Variants in WWOX observed in about 807,000 individuals in gnomAD.
WWOX encodes WW domain-containing oxidoreductase.
WWOX carries 69 observed loss-of-function variants against 46.2 expected under a neutral mutation model. The ratio of observed to expected loss-of-function variants is 1.49; its 90% CI spans 1.23 to 1.82. WWOX has a LOEUF of 1.82. Among genes scored for constraint, WWOX ranks in the 40% most tolerant of loss-of-function variants. The probability of loss-of-function intolerance (pLI) is 0.00; values close to 1 mark genes in which losing one functional copy is unlikely to be tolerated. For missense variants in WWOX, 919 were observed against 542.6 expected, an observed-to-expected ratio of 1.69 and a Z score of -6.89; for synonymous variants, 359 against 202.6, an observed-to-expected ratio of 1.77 and a Z score of -6.56.
In WWOX at chr16:78,798,811, G is replaced by A. The variant is rs116448135; in HGVS notation, c.1056+366059G>A. On this transcript the variant is annotated intron_variant, in intron 8 of 8. Transcript: ENST00000566780. ...ACTGAAGGACACTGGTCTATTGAGA[G>A]ACTTAGAAGCTAATGTTCCATATCA... 2.7e-3 allele frequency among the ~76,000 whole-genome samples: 417 copies of A among 152,262 alleles called. 3 individuals carry two copies. The highest frequency in any genetic ancestry group is 9.7e-3 in the African/African-American group (403 of 41,542).
chr16:78,159,007 A>G (rs917463963), intron 4 of WWOX, among the ~76,000 whole-genome samples: 1 of 152,100 alleles, frequency 6.6e-6, no homozygotes, highest in Admixed American at 6.5e-5. Flanking sequence ...TAGATTCCTC[A>G]TATAAATTGT....
intron 8 of WWOX, among the ~76,000 whole-genome samples, chr16:78,493,734 T>A (rs1379018579): frequency 1.3e-5 from 2 of 152,104 alleles, no homozygotes; most frequent in Non-Finnish European, 2.9e-5. Flanking sequence ...CTTACCCCCA[T>A]TGTAGAGATG....
chr16:78,970,501 C>G (rs750778280), intron 8 of WWOX, among the ~76,000 whole-genome samples: 7 of 152,180 alleles, frequency 4.6e-5, no homozygotes, highest in Non-Finnish European at 8.8e-5. Flanking sequence ...CCAGGGGAGA[C>G]TCGACCCAAG....
rs376602957 is a variant in WWOX, at chr16:79,045,872, G to C, written c.1057-165736G>C. Reference sequence around the variant, plus strand: ...GCTGGAGTGCAGTGGCACAATCTCAGCTCACTGCAACCTCTGCCTCCCGGG... The same window carrying C: ...GCTGGAGTGCAGTGGCACAATCTCACCTCACTGCAACCTCTGCCTCCCGGG... On this transcript the variant is annotated intron_variant, in intron 8 of 8. Coordinates refer to ENST00000566780, the MANE Select transcript of WWOX (RefSeq NM_016373.4). Among the ~76,000 whole-genome samples the C allele has an allele frequency of 2.1e-4, 26 of 121,446 alleles. 1 individual carries two copies. In the Admixed American group the frequency reaches 2.5e-3, roughly 12 times the overall value. 79.7% of individuals were successfully genotyped at this position (121,446 alleles called of 152,430 possible).
chr16:78,741,284 G>T (rs986130816), intron 8 of WWOX, among the ~76,000 whole-genome samples: 1 of 152,214 alleles, frequency 6.6e-6, no homozygotes, highest in African/African-American at 2.4e-5. Context: ...ATGCTGGTCA[G>T]GCGCGGTGGC....
chr16:79,211,706 A>C lies in WWOX; in HGVS notation c.1155A>C (p.Ser385=), dbSNP rs1414101968. 6.2e-7 allele frequency: 1 copy of C among 1,614,166 alleles called. No homozygotes were observed. Among genetic ancestry groups the C allele is most frequent in the Admixed American group, 1.7e-5 (1 of 60,030 alleles). Residue 385 remains serine, a synonymous_variant, in exon 9 of 9, where the codon TCA becomes TCC. Coordinates refer to ENST00000566780, the MANE Select transcript of WWOX (RefSeq NM_016373.4). ...YFNNCCRCMP[S]PEAQSEETAR... Reference sequence around the variant, plus strand: ...ACAACTGCTGCCGCTGCATGCCCTCACCAGAAGCTCAGAGCGAAGAGACGG... The same window carrying C: ...ACAACTGCTGCCGCTGCATGCCCTCCCCAGAAGCTCAGAGCGAAGAGACGG...
chr16:78,203,975 C>G (rs898840484), intron 5 of WWOX, among the ~76,000 whole-genome samples: 1 of 152,142 alleles, frequency 6.6e-6, no homozygotes, highest in Non-Finnish European at 1.5e-5. Flanking sequence ...TGATGGGTAA[C>G]AAGTGTGTAT....
chr16:78,407,450 G>C (rs1567554165), intron 6 of WWOX, among the ~76,000 whole-genome samples: 1 of 152,188 alleles, frequency 6.6e-6, no homozygotes, highest in Non-Finnish European at 1.5e-5. Flanking sequence ...ATTCAGAAGA[G>C]TGTTTATTTA....
chr16:78,106,219 T>C (rs1249760318), intron 1 of WWOX, among the ~76,000 whole-genome samples: 1 of 152,188 alleles, frequency 6.6e-6, no homozygotes, highest in East Asian at 1.9e-4. Flanking sequence ...AGTCCATCTC[T>C]TAACTTTCTT....
At chr16:79,172,790 C>G (rs1034930675) in intron 8 of WWOX, among the ~76,000 whole-genome samples, 9 of 151,844 alleles carry the variant, frequency 5.9e-5, no homozygotes, top group Non-Finnish European at 1.3e-4. Flanking sequence ...CTCTGGGAGG[C>G]CAAGATGAGA....
chr16:79,167,388 T>C (rs2050615870), intron 8 of WWOX, among the ~76,000 whole-genome samples: 2 of 152,154 alleles, frequency 1.3e-5, no homozygotes, highest in Admixed American at 1.3e-4. Context: ...TTTTTTTCTG[T>C]AGTGTGTAGT....
At chr16:78,339,757 T>TAAA (rs1282614081) in intron 5 of WWOX, among the ~76,000 whole-genome samples, 4 of 118,236 alleles carry the variant, frequency 3.4e-5, no homozygotes, top group African/African-American at 1.1e-4. Flanking sequence ...TGTGGCTTTC[T>TAAA]GTGTTGTTCT....
At chr16:78,119,726 A>G (rs903389213) in intron 4 of WWOX, among the ~76,000 whole-genome samples, 2 of 151,976 alleles carry the variant, frequency 1.3e-5, no homozygotes, top group African/African-American at 4.8e-5. Context: ...TTAGCCTCCC[A>G]AAGTACTGAG....
intron 8 of WWOX, among the ~76,000 whole-genome samples, chr16:78,658,151 C>G (rs1353653668): frequency 6.6e-6 from 1 of 152,046 alleles, no homozygotes; most frequent in African/African-American, 2.4e-5. Context: ...CTCAAAATAC[C>G]AAAAACATTT....
In WWOX at chr16:79,037,543, G is replaced by A. The variant is rs147820560; in HGVS notation, c.1057-174065G>A. Among the ~76,000 whole-genome samples the A allele has an allele frequency of 5.2e-3, 785 of 152,236 alleles. 3 individuals carry two copies. Among genetic ancestry groups the A allele is most frequent in the South Asian group, 0.022 (108 of 4,814 alleles). ...TCCCAAAGTCACACTGCTGATGAGTGACAGAGACCACATTTAAATCTGTGT... is the reference window on the plus strand; with the variant it reads ...TCCCAAAGTCACACTGCTGATGAGTAACAGAGACCACATTTAAATCTGTGT... On this transcript the variant is annotated intron_variant, in intron 8 of 8. Coordinates refer to ENST00000566780, the MANE Select transcript of WWOX (RefSeq NM_016373.4).
At chr16:78,860,693 A>T (rs749403565) in intron 8 of WWOX, among the ~76,000 whole-genome samples, 1 of 152,248 alleles carries the variant, frequency 6.6e-6, no homozygotes, top group South Asian at 2.1e-4. Flanking sequence ...TCTTCCTGTT[A>T]GCAGTGCCAA....
intron 5 of WWOX, among the ~76,000 whole-genome samples, chr16:78,367,278 C>G (rs896430267): frequency 1.2e-4 from 19 of 152,124 alleles, no homozygotes; most frequent in African/African-American, 4.3e-4. Flanking sequence ...CGCACCCAGC[C>G]GAAAAGTTAT....
At chr16:78,588,603 G>A (rs1192886238) in intron 8 of WWOX, among the ~76,000 whole-genome samples, 2 of 152,174 alleles carry the variant, frequency 1.3e-5, no homozygotes, top group Non-Finnish European at 2.9e-5. Flanking sequence ...TGTACATGAG[G>A]ATACTGAGGC....
rs370574896 is a variant in WWOX, at chr16:78,680,219, G to A, written c.1056+247467G>A. 2.4e-4 allele frequency among the ~76,000 whole-genome samples: 36 copies of A among 152,154 alleles called. 1 individual carries two copies. The highest frequency in any genetic ancestry group is 8.7e-4 in the African/African-American group (36 of 41,432). On this transcript the variant is annotated intron_variant, in intron 8 of 8. Transcript: ENST00000566780. ...GAGCCCAGGAGTTCGAGACCAGCCT[G>A]AGCAGCATAACGAGACCCGTCTCTG...
Sources: gnomAD v4.1 joint callset for allele counts (sites outside exome capture counted in the v4.1 genomes callset) on GRCh38, gnomAD v4.1.1 for gene constraint, MANE v1.5 for transcripts, NCBI Gene and HGNC (gene_info 2026-07-23, HGNC 2026-07-21) for gene names.